Variants in SORCS3 observed in about 807,000 individuals in gnomAD.
The protein encoded by SORCS3 is sortilin related VPS10 domain containing receptor 3.
In SORCS3, 57 loss-of-function variants were observed where a neutral mutation model predicts 146.3. That is an observed-to-expected ratio of 0.39 (90% CI 0.31 to 0.49). The LOEUF is 0.49. Among genes scored for constraint, SORCS3 ranks in the 20% least tolerant of loss-of-function variants. The pLI is 0.92. For missense variants in SORCS3, 1,341 were observed against 1,575.5 expected (o/e 0.85, Z 2.52); for synonymous variants, 653 against 618.5 (o/e 1.06, Z -0.83).
chr10:105,217,471 T>G (rs1229450499), intron 19 of SORCS3, among the ~76,000 whole-genome samples: 1 of 152,218 alleles, frequency 6.6e-6, no homozygotes, highest in East Asian at 1.9e-4. Flanking sequence ...TGGTTGATAG[T>G]CTCAGGCTCA....
At chr10:105,054,945 T>G (rs1320362261) in intron 5 of SORCS3, among the ~76,000 whole-genome samples, 4 of 152,222 alleles carry the variant, frequency 2.6e-5, no homozygotes, top group Non-Finnish European at 5.9e-5. Context: ...CACCTTGTCA[T>G]GTTTTAAAAT....
chr10:105,087,243 T>A (rs1381044479), intron 5 of SORCS3, among the ~76,000 whole-genome samples: 1 of 152,136 alleles, frequency 6.6e-6, no homozygotes, highest in Non-Finnish European at 1.5e-5. Flanking sequence ...GATGTAGATG[T>A]GTGGTATTAT....
intron 25 of SORCS3, among the ~76,000 whole-genome samples, chr10:105,257,884 A>G (rs1199438186): frequency 6.6e-6 from 1 of 152,198 alleles, no homozygotes; most frequent in Non-Finnish European, 1.5e-5. Flanking sequence ...CAGAAATTTT[A>G]TCAGTGGCCT....
At chr10:104,816,542 C>T (rs2017799795) in intron 1 of SORCS3, among the ~76,000 whole-genome samples, 1 of 152,212 alleles carries the variant, frequency 6.6e-6, no homozygotes, top group Non-Finnish European at 1.5e-5. Context: ...TTTCACATTA[C>T]ACAAATTACA....
intron 1 of SORCS3, among the ~76,000 whole-genome samples, chr10:104,713,734 A>G (rs1417274090): frequency 1.3e-5 from 2 of 152,130 alleles, no homozygotes; most frequent in African/African-American, 4.8e-5. Context: ...TTCATGAGAG[A>G]TAATTCGTCT....
chr10:104,711,268 G>C (rs1306172962), intron 1 of SORCS3, among the ~76,000 whole-genome samples: 1 of 152,186 alleles, frequency 6.6e-6, no homozygotes, highest in East Asian at 1.9e-4. Flanking sequence ...TAATTGCCCA[G>C]GGTTGCACAC....
chr10:104,861,699 C>T (rs1017507452), intron 2 of SORCS3, among the ~76,000 whole-genome samples: 8 of 152,156 alleles, frequency 5.3e-5, no homozygotes, highest in Middle Eastern at 3.2e-3. Flanking sequence ...AATGGCAGGA[C>T]GTCACCCAGT....
rs1055948955 is a variant in SORCS3 at position 105,217,191 on chromosome 10, TA to T, written c.2734+73del. On this transcript the variant is annotated intron_variant, in intron 19 of 26. Transcript: ENST00000369701. ...GGCAACTTGCTCTGTTCAGACTTCC[TA>T]AAATTCAGAGCTGAGCCCAGGTTCA... The T allele has an allele frequency of 2.4e-5, 37 of 1,523,718 alleles. No individual in the cohort carries two copies. In the African/African-American group the frequency reaches 4.6e-4, roughly 19 times the overall value. The allele number at this position is 1,523,718 out of a possible 1,614,324, so 94.4% of individuals were successfully genotyped here. A position where few individuals can be genotyped will look rare whatever the true frequency, so the allele number is the denominator to read the frequency against.
At chr10:104,924,987 T>A (rs1016737732) in intron 3 of SORCS3, among the ~76,000 whole-genome samples, 2 of 152,178 alleles carry the variant, frequency 1.3e-5, no homozygotes, top group Non-Finnish European at 2.9e-5. Flanking sequence ...GCCATGGTGA[T>A]TTGCTGTACC....
At chr10:104,983,901 A>G (rs2054946344) in intron 4 of SORCS3, among the ~76,000 whole-genome samples, 2 of 152,070 alleles carry the variant, frequency 1.3e-5, no homozygotes, top group South Asian at 2.1e-4. Context: ...CATTCTTTCA[A>G]TTTTAAAAAT....
intron 2 of SORCS3, among the ~76,000 whole-genome samples, chr10:104,861,733 C>T (rs529841523): frequency 6.6e-6 from 1 of 152,248 alleles, no homozygotes; most frequent in South Asian, 2.1e-4. Context: ...AGGACGTTCC[C>T]AGGGGTGTCA....
At chr10:105,229,185 C>A (rs1233192782) in intron 20 of SORCS3, among the ~76,000 whole-genome samples, 1 of 151,912 alleles carries the variant, frequency 6.6e-6, no homozygotes, top group Non-Finnish European at 1.5e-5. Flanking sequence ...TTCTTCTGTT[C>A]AGAATTTGTC....
At chr10:104,824,219 C>A (rs1282904757) in intron 1 of SORCS3, among the ~76,000 whole-genome samples, 1 of 152,168 alleles carries the variant, frequency 6.6e-6, no homozygotes, top group Non-Finnish European at 1.5e-5. Context: ...AATTTACACA[C>A]CTGGTATTTA....
At position 105,188,699 on chromosome 10, in the gene SORCS3, A is replaced by T. The variant is rs74157460; in HGVS notation, c.2009+10526A>T. On this transcript the variant is annotated intron_variant, in intron 14 of 26. Transcript: ENST00000369701. Reference sequence around the variant, plus strand: ...GCATTTGTAAGTTATTGTGTATTTTAAAAATTAATGAAAGATTTAATTATA... The same window carrying T: ...GCATTTGTAAGTTATTGTGTATTTTTAAAATTAATGAAAGATTTAATTATA... Among the ~76,000 whole-genome samples, 1,499 of 152,314 alleles carry T rather than the reference A, an allele frequency of 9.8e-3. 33 individuals are homozygous for T. Among genetic ancestry groups the T allele is most frequent in the South Asian group, 0.048 (232 of 4,830 alleles).
At chr10:105,231,737 G>A (rs2056766609) in intron 20 of SORCS3, among the ~76,000 whole-genome samples, 1 of 152,094 alleles carries the variant, frequency 6.6e-6, no homozygotes, top group South Asian at 2.1e-4. Flanking sequence ...GTTGGATTGT[G>A]TTAAATGCTT....
chr10:104,954,995 A>G (rs2019471751), intron 3 of SORCS3, among the ~76,000 whole-genome samples: 1 of 152,222 alleles, frequency 6.6e-6, no homozygotes, highest in Admixed American at 6.5e-5. Flanking sequence ...AAAATTAACT[A>G]AAATTCACTA....
intron 1 of SORCS3, among the ~76,000 whole-genome samples, chr10:104,704,593 C>T (rs993983068): frequency 6.6e-6 from 1 of 152,060 alleles, no homozygotes; most frequent in Non-Finnish European, 1.5e-5. Flanking sequence ...TAGAGGCAGA[C>T]CTGCTTACAG....
chr10:104,697,901 T>G (rs142434786), intron 1 of SORCS3, among the ~76,000 whole-genome samples: 40 of 152,324 alleles, frequency 2.6e-4, no homozygotes, highest in Non-Finnish European at 5.6e-4. Context: ...AATGAGGCTA[T>G]TCAGCATATT....
intron 4 of SORCS3, among the ~76,000 whole-genome samples, chr10:105,041,467 A>G (rs1436991299): frequency 6.7e-6 from 1 of 149,148 alleles, no homozygotes; most frequent in African/African-American, 2.4e-5. Flanking sequence ...ATATAACTAT[A>G]TGTACATATA....
Sources: gnomAD v4.1 joint callset for allele counts (sites outside exome capture counted in the v4.1 genomes callset) on GRCh38, gnomAD v4.1.1 for gene constraint, MANE v1.5 for transcripts, NCBI Gene and HGNC (gene_info 2026-07-23, HGNC 2026-07-21) for gene names.